Variants in GAL3ST2 observed in about 807,000 individuals in gnomAD.
GAL3ST2 encodes the protein galactose-3-O-sulfotransferase 2.
In GAL3ST2, 16 loss-of-function variants were observed where a neutral mutation model predicts 12.9. The ratio of observed to expected loss-of-function variants is 1.24; its 90% CI spans 0.84 to 1.88. GAL3ST2 has a LOEUF of 1.88. GAL3ST2 is among the 40% of genes most tolerant of loss of function. The pLI, the probability that GAL3ST2 is intolerant of heterozygous loss-of-function variation, is 0.00. For synonymous variants in GAL3ST2, 302 were observed against 273.9 expected (o/e 1.10, Z -1.01); for missense variants, 639 against 571.8 (o/e 1.12, Z -1.20).
In GAL3ST2 at chr2:241,803,481, T is replaced by C; in HGVS notation, c.512T>C (p.Leu171Pro). Residue 171 changes from leucine (L) to proline (P), a missense_variant, in exon 4 of 4, where the codon CTG becomes CCG. Transcript: ENST00000192314. The part of the protein sequence containing the change: ...FRGAPSLDAF[L>P]ASPRTFYNDS... ...GGCGCCCCGAGCCTGGACGCGTTCC[T>C]GGCCTCGCCGCGGACGTTCTACAAC... 1 of 1,611,630 alleles carries C rather than the reference T, an allele frequency of 6.2e-7. No individual in the cohort carries two copies. Among genetic ancestry groups the C allele is most frequent in the Non-Finnish European group, 8.5e-7 (1 of 1,179,326 alleles).
At chr2:241,781,655 CATACCAATAACATATTTAT>C (rs1456398386) in intron 1 of GAL3ST2, among the ~76,000 whole-genome samples, 2 of 152,146 alleles carry the variant, frequency 1.3e-5, no homozygotes, top group Admixed American at 6.5e-5. Flanking sequence ...TTTTGGTACA[CATACCAATAACATATTTAT>C]ACAAATACAG....
At position 241,802,633 on chromosome 2, in the gene GAL3ST2, G is replaced by T. The variant is rs113543697; in HGVS notation, c.375+597G>T. Among the ~76,000 whole-genome samples the T allele has an allele frequency of 0.029, 4,305 of 150,382 alleles. 253 individuals carry two copies. Among genetic ancestry groups the T allele is most frequent in the African/African-American group, 0.1 (4,084 of 40,516 alleles). On this transcript the variant is annotated intron_variant, in intron 3 of 3. Coordinates refer to ENST00000192314, the MANE Select transcript of GAL3ST2 (RefSeq NM_022134.3). The surrounding 1 kb of genome is among the most constrained non-coding windows in gnomAD (Gnocchi z 4.8). Reference sequence around the variant, plus strand: ...GGGTGTGCTGTGGGGTGGGGGCTGCGGGGCAGAGGGAGGAGGAGGGGCCGG... The same window carrying T: ...GGGTGTGCTGTGGGGTGGGGGCTGCTGGGCAGAGGGAGGAGGAGGGGCCGG...
In GAL3ST2 at chr2:241,803,759, C is replaced by G; in HGVS notation, c.790C>G (p.Leu264Val). The G allele has an allele frequency of 6.6e-7, 1 of 1,518,192 alleles. No homozygotes were observed. Among genetic ancestry groups the G allele is most frequent in the Non-Finnish European group, 8.8e-7 (1 of 1,137,508 alleles). The allele number at this position is 1,518,192 out of a possible 1,614,324, so 94.0% of individuals were successfully genotyped here. Residue 264 changes from leucine (L) to valine (V), a missense_variant, in exon 4 of 4, where the codon CTG (leucine) becomes GTG (valine). Transcript: ENST00000192314. ...NSRSARSVAR[L>V]SPETRERARS... Reference sequence around the variant, plus strand: ...CCGCAGCGCGCGCTCCGTGGCCCGCCTGTCGCCCGAGACCCGGGAGCGCGC... The same window carrying G: ...CCGCAGCGCGCGCTCCGTGGCCCGCGTGTCGCCCGAGACCCGGGAGCGCGC...
At chr2:241,792,434 A>G (rs1042391394) in intron 1 of GAL3ST2, among the ~76,000 whole-genome samples, 7 of 152,164 alleles carry the variant, frequency 4.6e-5, no homozygotes, top group Admixed American at 3.9e-4. Flanking sequence ...AGAAAATAAC[A>G]GCAACCTATT....
chr2:241,786,137 T>TGTGTGTGTGTGTG (rs1553615795), intron 1 of GAL3ST2, among the ~76,000 whole-genome samples: 1 of 115,082 alleles, frequency 8.7e-6, no homozygotes, highest in African/African-American at 4.9e-5. Context: ...ACCACACACC[T>TGTGTGTGTGTGTG]TTTGTGTGTG....
intron 1 of GAL3ST2, among the ~76,000 whole-genome samples, chr2:241,791,974 C>A (rs1353139035): frequency 1.3e-5 from 2 of 150,890 alleles, no homozygotes; most frequent in Non-Finnish European, 3.0e-5. Flanking sequence ...TTTGTTTGCC[C>A]CACCCCCCAT....
Position 241,795,571 on chromosome 2 carries a change from G to A in GAL3ST2, c.30-3494G>A, listed in dbSNP as rs1699762975. ...AAACCCTGCTGGTGAAGTCCTGCGT[G>A]GGCCTTATCAGTGAGTTAATCTCTA... On this transcript the variant is annotated intron_variant, in intron 1 of 3. Coordinates refer to ENST00000192314, the MANE Select transcript of GAL3ST2 (RefSeq NM_022134.3). The surrounding 1 kb of genome is among the most constrained non-coding windows in gnomAD (Gnocchi z 4.5). Among the ~76,000 whole-genome samples the A allele has an allele frequency of 6.6e-6, 1 of 152,194 alleles. No homozygotes were observed. Among genetic ancestry groups the A allele is most frequent in the African/African-American group, 2.4e-5 (1 of 41,454 alleles).
chr2:241,790,742 T>TGGCG lies in GAL3ST2; in HGVS notation c.30-8323_30-8322insGGCG, dbSNP rs1211578697. Among the ~76,000 whole-genome samples, 11 of 152,336 alleles carry TGGCG rather than the reference T, an allele frequency of 7.2e-5. No homozygotes were observed. The East Asian group carries it at 2.1e-3, about 29-fold the overall frequency. ...ATCCACATTCTATAGAGAATCACCT[T>TGGCG]TCTCCTTTGTTTTCCTTTCTTCTCA... On this transcript the variant is annotated intron_variant, in intron 1 of 3. Transcript: ENST00000192314.
Position 241,795,233 on chromosome 2 carries a change from C to A in GAL3ST2, c.30-3832C>A, listed in dbSNP as rs991243070. Among the ~76,000 whole-genome samples the A allele has an allele frequency of 6.6e-6, 1 of 152,198 alleles. No individual in the cohort carries two copies. The highest frequency in any genetic ancestry group is 1.5e-5 in the Non-Finnish European group (1 of 68,032). On this transcript the variant is annotated intron_variant, in intron 1 of 3. Coordinates refer to ENST00000192314, the MANE Select transcript of GAL3ST2 (RefSeq NM_022134.3). The surrounding 1 kb of genome is among the most constrained non-coding windows in gnomAD (Gnocchi z 4.5). ...CTCCAACACTGACCACCCTACCTGA[C>A]CCCTGCAGGTGTGGGACCAGCAGGT...
At chr2:241,792,973 C>T (rs1012516746) in intron 1 of GAL3ST2, among the ~76,000 whole-genome samples, 23 of 152,178 alleles carry the variant, frequency 1.5e-4, no homozygotes, top group African/African-American at 5.6e-4. Flanking sequence ...TGGAAGTCCC[C>T]TCCCCACTTG....
At chr2:241,777,619 C>T (rs1699503852) in intron 1 of GAL3ST2, among the ~76,000 whole-genome samples, 1 of 152,202 alleles carries the variant, frequency 6.6e-6, no homozygotes, top group Non-Finnish European at 1.5e-5. Context: ...GCTGGCAGGT[C>T]CCTGCCTCCC....
At position 241,793,558 on chromosome 2, in the gene GAL3ST2, T is replaced by C. The variant is rs1328674971; in HGVS notation, c.30-5507T>C. Among the ~76,000 whole-genome samples, 1 of 151,628 alleles carries C rather than the reference T, an allele frequency of 6.6e-6. No individual in the cohort carries two copies. The highest frequency in any genetic ancestry group is 1.5e-5 in the Non-Finnish European group (1 of 67,954). Reference sequence around the variant, plus strand: ...ATATGTATGTGTGTATATGTATGTATGTGTATATGTGTGCGTATATGTGTA... The same window carrying C: ...ATATGTATGTGTGTATATGTATGTACGTGTATATGTGTGCGTATATGTGTA... On this transcript the variant is annotated intron_variant, in intron 1 of 3. Coordinates refer to ENST00000192314, the MANE Select transcript of GAL3ST2 (RefSeq NM_022134.3). This position sits in a 1 kb window ranked among gnomAD's most constrained non-coding sequence, Gnocchi z 4.7.
rs1458105325 is a variant in GAL3ST2 at position 241,799,150 on chromosome 2, ACACCGTAAGTCCTGCCCC to A, written c.119+1_119+18del. 6.2e-6 allele frequency: 10 copies of A among 1,613,116 alleles called. No homozygotes were observed. In the African/African-American group the frequency reaches 1.3e-4, roughly 22 times the overall value. ...CCTGCACTCGGACTTAGAGCTGGAC[ACACCGTAAGTCCTGCCCC>A]CACCATAAGTCCTGCCCCGGGTACC... On this transcript the variant is annotated splice_donor_variant and splice_donor_5th_base_variant and coding_sequence_variant and intron_variant, in exon 2 of 4. Coordinates refer to ENST00000192314, the MANE Select transcript of GAL3ST2 (RefSeq NM_022134.3). LOFTEE classifies it high-confidence loss of function.
At chr2:241,790,641 A>C (rs1699683926) in intron 1 of GAL3ST2, among the ~76,000 whole-genome samples, 1 of 152,204 alleles carries the variant, frequency 6.6e-6, no homozygotes, top group South Asian at 2.1e-4. Flanking sequence ...CAAGGAAGAA[A>C]ATAACAATGT....
intron 1 of GAL3ST2, among the ~76,000 whole-genome samples, chr2:241,779,025 G>C (rs960793540): frequency 2.0e-5 from 3 of 151,954 alleles, no homozygotes; most frequent in Non-Finnish European, 4.4e-5. Flanking sequence ...CCTCCCTTTA[G>C]CTTGTAGTGA....
In GAL3ST2 at chr2:241,802,089, TG is replaced by T. The variant is rs1391721016; in HGVS notation, c.375+56del. The T allele has an allele frequency of 6.5e-7, 1 of 1,540,912 alleles. No homozygotes were observed. Among genetic ancestry groups the T allele is most frequent in the Non-Finnish European group, 8.8e-7 (1 of 1,142,186 alleles). ...CGGGCTGCAGCCGTGCCTGTGGCTG[TG>T]GGTCTGGGTGGTGTAGCCTGGAGGC... On this transcript the variant is annotated intron_variant, in intron 3 of 3. Coordinates refer to ENST00000192314, the MANE Select transcript of GAL3ST2 (RefSeq NM_022134.3). The surrounding 1 kb of genome is among the most constrained non-coding windows in gnomAD (Gnocchi z 4.8).
intron 1 of GAL3ST2, among the ~76,000 whole-genome samples, chr2:241,780,762 C>A (rs1057375720): frequency 6.6e-6 from 1 of 152,146 alleles, no homozygotes; most frequent in Non-Finnish European, 1.5e-5. Context: ...CGAATTTGTG[C>A]CATTAAATAT....
At chr2:241,779,314 A>G (rs1221229796) in intron 1 of GAL3ST2, among the ~76,000 whole-genome samples, 1 of 133,008 alleles carries the variant, frequency 7.5e-6, no homozygotes, top group African/African-American at 2.8e-5. Context: ...GCTCACTGCA[A>G]GCTCCGCCTC....
rs1208311801 is a variant in GAL3ST2, at chr2:241,795,743, C to T, written c.30-3322C>T. ...CTCGTTTGGGTTTGGGAAAACATGT[C>T]CTCTCTCACGAAGACGTGGGTGTCT... On this transcript the variant is annotated intron_variant, in intron 1 of 3. Transcript: ENST00000192314. This position sits in a 1 kb window ranked among gnomAD's most constrained non-coding sequence, Gnocchi z 4.5. Among the ~76,000 whole-genome samples, 1 of 152,272 alleles carries T rather than the reference C, an allele frequency of 6.6e-6. No individual in the cohort carries two copies. The highest frequency in any genetic ancestry group is 1.5e-5 in the Non-Finnish European group (1 of 68,044).
Sources: gnomAD v4.1 joint callset for allele counts (sites outside exome capture counted in the v4.1 genomes callset) on GRCh38, gnomAD v4.1.1 for gene constraint, Gnocchi (gnomAD v3.1) non-coding constraint, MANE v1.5 for transcripts, NCBI Gene and HGNC (gene_info 2026-07-23, HGNC 2026-07-21) for gene names.